Variants in GPR158 observed in about 807,000 individuals in gnomAD.
GPR158 encodes the protein G protein-coupled receptor 158.
GPR158 carries 30 observed loss-of-function variants against 78.2 expected under a neutral mutation model. That is an observed-to-expected ratio of 0.38 (90% CI 0.29 to 0.52). The LOEUF (loss-of-function observed/expected upper bound fraction) is 0.52. Ranked by LOEUF, GPR158 falls within the 20% of genes least tolerant of loss-of-function variation. GPR158 has a pLI of 0.83. For missense variants in GPR158, 1,463 were observed against 1,523.5 expected (o/e 0.96, Z 0.66); for synonymous variants, 581 against 591.1 (o/e 0.98, Z 0.25).
intron 2 of GPR158, among the ~76,000 whole-genome samples, chr10:25,361,782 TTTGA>T (rs1855645310): frequency 6.6e-6 from 1 of 152,010 alleles, no homozygotes; most frequent in African/African-American, 2.4e-5. Flanking sequence ...ATTTTTTAAC[TTTGA>T]TTATTTGATA....
intron 2 of GPR158, among the ~76,000 whole-genome samples, chr10:25,372,112 C>T (rs1449074754): frequency 1.3e-5 from 2 of 150,626 alleles, no homozygotes; most frequent in Non-Finnish European, 3.0e-5. Flanking sequence ...AAAAAATGCT[C>T]ATCATCACTG....
chr10:25,180,860 G>T, intron 1 of GPR158, among the ~76,000 whole-genome samples: 1 of 150,288 alleles, frequency 6.7e-6, no homozygotes, highest in East Asian at 1.9e-4. Context: ...CCTGGTATTT[G>T]GTTAAGAAAA....
intron 2 of GPR158, among the ~76,000 whole-genome samples, chr10:25,369,122 A>G (rs1469057571): frequency 6.6e-6 from 1 of 151,702 alleles, no homozygotes; most frequent in Non-Finnish European, 1.5e-5. Flanking sequence ...AACAGGGACA[A>G]TTTGTCTTCC....
chr10:25,443,080 C>A (rs1222491173), intron 4 of GPR158, among the ~76,000 whole-genome samples: 1 of 143,232 alleles, frequency 7.0e-6, no homozygotes, highest in Non-Finnish European at 1.5e-5. Context: ...ACTTCTCTCC[C>A]CACCCCACTA....
At chr10:25,185,370 A>G (rs559724127) in intron 1 of GPR158, among the ~76,000 whole-genome samples, 7 of 152,338 alleles carry the variant, frequency 4.6e-5, no homozygotes, top group African/African-American at 1.7e-4. Flanking sequence ...AAACATTTTG[A>G]TAGATCAATG....
chr10:25,175,275 T>A lies in GPR158; in HGVS notation c.-146T>A. ...CCACCCGGGGCCAATCTCGAAACAT[T>A]CTTATTTTCAAGTCCTTTGGACTGG... On this transcript the variant is annotated 5_prime_UTR_variant, in exon 1 of 11. Transcript: ENST00000376351. The surrounding 1 kb of genome is among the most constrained non-coding windows in gnomAD (Gnocchi z 6.4). 2 of 562,568 alleles carry A rather than the reference T, an allele frequency of 3.6e-6. No individual in the cohort carries two copies. Among genetic ancestry groups the A allele is most frequent in the Non-Finnish European group, 6.3e-6 (2 of 318,454 alleles). The allele number at this position is 562,568 out of a possible 1,614,324, so 34.8% of individuals were successfully genotyped here.
At chr10:25,241,184 T>TC (rs575406760) in intron 2 of GPR158, among the ~76,000 whole-genome samples, 138 of 111,128 alleles carry the variant, frequency 1.2e-3, no homozygotes, top group African/African-American at 3.2e-3. Context: ...TTTCTTTCTT[T>TC]CTTTCCTTTC....
intron 2 of GPR158, among the ~76,000 whole-genome samples, chr10:25,283,712 C>A (rs1343699744): frequency 6.6e-6 from 1 of 151,806 alleles, no homozygotes; most frequent in African/African-American, 2.4e-5. Flanking sequence ...TGAGTGGAGA[C>A]CGTTTTTCTT....
chr10:25,316,248 G>A (rs192433370), intron 2 of GPR158, among the ~76,000 whole-genome samples: 9 of 152,174 alleles, frequency 5.9e-5, no homozygotes, highest in African/African-American at 1.9e-4. Context: ...TATCTGGTAG[G>A]CTCTCCCTAT....
intron 4 of GPR158, among the ~76,000 whole-genome samples, chr10:25,452,718 G>T (rs1835237835): frequency 6.6e-6 from 1 of 152,162 alleles, no homozygotes; most frequent in South Asian, 2.1e-4. Context: ...GACAAAGATG[G>T]TATATATTCA....
intron 4 of GPR158, among the ~76,000 whole-genome samples, chr10:25,452,797 C>T (rs1304706190): frequency 6.6e-6 from 1 of 152,124 alleles, no homozygotes; most frequent in African/African-American, 2.4e-5. Context: ...TTAACACATC[C>T]ATCGCCACCC....
chr10:25,510,514 G>A (rs897575336), intron 5 of GPR158, among the ~76,000 whole-genome samples: 3 of 152,050 alleles, frequency 2.0e-5, no homozygotes, highest in African/African-American at 7.3e-5. Context: ...GAATTGTGGA[G>A]AATTCATCAA....
At chr10:25,184,431 C>G (rs1852654293) in intron 1 of GPR158, among the ~76,000 whole-genome samples, 1 of 152,148 alleles carries the variant, frequency 6.6e-6, no homozygotes, top group South Asian at 2.1e-4. Context: ...CAGGCCTGAG[C>G]CAGCACACTC....
Position 25,595,301 on chromosome 10 carries a change from A to G in GPR158, c.1998+904A>G, listed in dbSNP as rs1837385426. ...CTATTTTATTCCCTACTTGAATTAC[A>G]TCAACTAGACACAAGTATTTGTATA... On this transcript the variant is annotated intron_variant, in intron 9 of 10. Transcript: ENST00000376351. Among the ~76,000 whole-genome samples, 4 of 152,224 alleles carry G rather than the reference A, an allele frequency of 2.6e-5. No homozygotes were observed. In the South Asian group the frequency reaches 8.3e-4, roughly 31 times the overall value.
intron 5 of GPR158, among the ~76,000 whole-genome samples, chr10:25,523,919 TAG>T (rs1253145069): frequency 6.6e-6 from 1 of 152,074 alleles, no homozygotes; most frequent in African/African-American, 2.4e-5. Flanking sequence ...AACGATCTTA[TAG>T]AGAGAAAACT....
intron 4 of GPR158, among the ~76,000 whole-genome samples, chr10:25,433,489 A>C (rs1030698923): frequency 5.3e-5 from 8 of 151,296 alleles, no homozygotes; most frequent in African/African-American, 1.9e-4. Flanking sequence ...GTATCATTTA[A>C]TGCCTGAACT....
chr10:25,298,452 AAG>A (rs1854546761), intron 2 of GPR158, among the ~76,000 whole-genome samples: 1 of 152,228 alleles, frequency 6.6e-6, no homozygotes, highest in Non-Finnish European at 1.5e-5. Context: ...GCCTTATTAA[AAG>A]AGAACTATTG....
chr10:25,478,035 G>T (rs1773637), intron 5 of GPR158, among the ~76,000 whole-genome samples: 1 of 152,004 alleles, frequency 6.6e-6, no homozygotes, highest in East Asian at 1.9e-4. Flanking sequence ...TCAGAGAGAA[G>T]TCTGATCATT....
chr10:25,564,810 G>T (rs1488143915), intron 6 of GPR158, among the ~76,000 whole-genome samples: 5 of 152,128 alleles, frequency 3.3e-5, no homozygotes, highest in Non-Finnish European at 7.3e-5. Flanking sequence ...AAGCTCCTAA[G>T]TAGTTTCTAG....
Sources: allele counts gnomAD v4.1 joint callset (sites outside exome capture counted in the v4.1 genomes callset), GRCh38; gene constraint gnomAD v4.1.1; non-coding constraint Gnocchi (gnomAD v3.1); transcripts MANE v1.5; gene names NCBI Gene and HGNC (gene_info 2026-07-23, HGNC 2026-07-21).